The following UNKL variants were observed in gnomAD, a reference collection of about 807,000 sequenced individuals.
UNKL encodes unk like zinc finger.
Under a neutral mutation model 78.0 loss-of-function variants are expected in UNKL, and 60 were observed. That is an observed-to-expected ratio of 0.77 (90% CI 0.63 to 0.95). The LOEUF (loss-of-function observed/expected upper bound fraction) is 0.95. Among genes scored for constraint, UNKL ranks in the 40% least tolerant of loss-of-function variants. The pLI, the probability that UNKL is intolerant of heterozygous loss-of-function variation, is 0.00. For synonymous variants in UNKL, 608 were observed against 474.8 expected (o/e 1.28, Z -3.65); for missense variants, 1,159 against 1,045.7 (o/e 1.11, Z -1.49).
chr16:1,388,122 A>G (rs2036894897), intron 9 of UNKL, among the ~76,000 whole-genome samples: 1 of 152,052 alleles, frequency 6.6e-6, no homozygotes, highest in Non-Finnish European at 1.5e-5. Flanking sequence ...CGGGCCCACC[A>G]AGAAGCCGTG....
At chr16:1,411,837 A>G (rs116876758) in intron 2 of UNKL, 1 of 152,236 alleles carries the variant, frequency 6.6e-6, no homozygotes, top group Non-Finnish European at 1.5e-5. Context: ...AAAACAAAAC[A>G]AACACTATTT....
In UNKL at chr16:1,365,941, T is replaced by TC; in HGVS notation, c.*298dup. 1 of 288,490 alleles carries TC rather than the reference T, an allele frequency of 3.5e-6. No individual in the cohort carries two copies. The highest frequency in any genetic ancestry group is 6.5e-6 in the Non-Finnish European group (1 of 154,044). The allele number at this position is 288,490 out of a possible 1,614,324, so 17.9% of individuals were successfully genotyped here. ...TGCTGTGATCACAGCGCCGCGTGGA[T>TC]CCCGGAGGCACCAGGCCCCTCAGGG... On this transcript the variant is annotated 3_prime_UTR_variant, in exon 15 of 15. Transcript: ENST00000389221.
rs532113159 is a variant in UNKL at position 1,402,220 on chromosome 16, G to A, written c.465-519C>T. Among the ~76,000 whole-genome samples, 131 of 148,726 alleles carry A rather than the reference G, an allele frequency of 8.8e-4. 2 individuals carry two copies. The Admixed American group carries it at 8.9e-3, about 10-fold the overall frequency. On this transcript the variant is annotated intron_variant, in intron 3 of 14. Transcript: ENST00000389221. ...CCAGAAGAGAAACACACAGTGAGAA[G>A]AGCTGAAGGACTGTCTGCCCCAGAC...
At position 1,387,380 on chromosome 16, in the gene UNKL, C is replaced by T. The variant is rs952012755; in HGVS notation, c.1087-1995G>A. ...ACCTGGTGCCATCTCAGTGGCAACC[C>T]GCCCCCTATCCCTTGCACTTCCTGT... On this transcript the variant is annotated intron_variant, in intron 9 of 14. Coordinates refer to ENST00000389221, the MANE Select transcript of UNKL (RefSeq NM_001372107.1). This position sits in a 1 kb window ranked among gnomAD's most constrained non-coding sequence, Gnocchi z 4.1. Among the ~76,000 whole-genome samples, 2 of 152,172 alleles carry T rather than the reference C, an allele frequency of 1.3e-5. No homozygotes were observed. Among genetic ancestry groups the T allele is most frequent in the Non-Finnish European group, 2.9e-5 (2 of 68,010 alleles).
At chr16:1,393,445 G>A (rs2037134151) in intron 7 of UNKL, among the ~76,000 whole-genome samples, 1 of 152,006 alleles carries the variant, frequency 6.6e-6, no homozygotes, top group African/African-American at 2.4e-5. Context: ...CTGCAGCGTG[G>A]AGGAGGCCGC....
chr16:1,400,913 T>G (rs142770403), intron 4 of UNKL, among the ~76,000 whole-genome samples: 3,768 of 152,232 alleles, frequency 0.025, 60 homozygotes, highest in Middle Eastern at 0.048. Context: ...GGCCTCAAAC[T>G]CCTGACCTCA....
chr16:1,367,930 G>T, intron 12 of UNKL, 72 bp from the exon 13 acceptor site: 1 of 1,363,008 alleles, frequency 7.3e-7, no homozygotes, highest in South Asian at 1.4e-5. Flanking sequence ...TGGGTGCTAT[G>T]CCCCAGGCCC....
Position 1,392,987 on chromosome 16 carries a change from A to AG in UNKL, c.938-12dup. 1 of 1,550,354 alleles carries AG rather than the reference A, an allele frequency of 6.5e-7. No homozygotes were observed. The highest frequency in any genetic ancestry group is 8.7e-7 in the Non-Finnish European group (1 of 1,146,878). On this transcript the variant is annotated splice_polypyrimidine_tract_variant and intron_variant, in intron 7 of 14. Transcript: ENST00000389221. ...CCATCCCCAGGCTCTCTGCAAGGAC[A>AG]GGGGAGCAGCAGACTCTGAGGGCCG...
chr16:1,406,686 G>A (rs1218429249), intron 2 of UNKL, among the ~76,000 whole-genome samples: 1 of 152,118 alleles, frequency 6.6e-6, no homozygotes, highest in Non-Finnish European at 1.5e-5. Flanking sequence ...CCGGCCGTGG[G>A]CTTTCCTCTT....
intron 12 of UNKL, 61 bp from the exon 13 acceptor site, chr16:1,367,919 G>A (rs1476793620): frequency 3.4e-6 from 5 of 1,450,826 alleles, no homozygotes; most frequent in Non-Finnish European, 4.7e-6. Flanking sequence ...GGTGGGATTG[G>A]TGGGTGCTAT....
chr16:1,410,511 G>A (rs1436548026), intron 2 of UNKL, among the ~76,000 whole-genome samples: 1 of 152,146 alleles, frequency 6.6e-6, no homozygotes, highest in African/African-American at 2.4e-5. Context: ...GGAGGCTGAG[G>A]CAGGAGAATC....
In UNKL at chr16:1,364,886, A is replaced by G. The variant is rs4984822; in HGVS notation, c.*1354T>C. ...GGGTGGTCACGGGTGCTGGGGAGGC[A>G]ACCACTCTCCCAGTTCACTGCCTGA... On this transcript the variant is annotated 3_prime_UTR_variant, in exon 15 of 15. Coordinates refer to ENST00000389221, the MANE Select transcript of UNKL (RefSeq NM_001372107.1). 0.81 allele frequency: 123,849 copies of G among 152,338 alleles called. 50,818 individuals are homozygous for G. The highest frequency in any genetic ancestry group is 0.99 in the East Asian group (5,144 of 5,178). The allele number at this position is 152,338 out of a possible 1,614,324, so 9.4% of individuals were successfully genotyped here. A position where few individuals can be genotyped will look rare whatever the true frequency, so the allele number is the denominator to read the frequency against.
intron 5 of UNKL, among the ~76,000 whole-genome samples, chr16:1,397,812 G>A (rs371969021): frequency 4.7e-5 from 7 of 149,804 alleles, no homozygotes; most frequent in African/African-American, 1.2e-4. Flanking sequence ...GGGGCAGGGC[G>A]TGGACCTGGG....
chr16:1,401,713 G>A lies in UNKL; in HGVS notation c.465-12C>T. On this transcript the variant is annotated splice_polypyrimidine_tract_variant and intron_variant, in intron 3 of 14. Coordinates refer to ENST00000389221, the MANE Select transcript of UNKL (RefSeq NM_001372107.1). ...GGGCCTGCAGCTCCCTGCAAGCCGA[G>A]GACACAGTGGTCACAGCTCTGCATC... The A allele has an allele frequency of 6.2e-7, 1 of 1,604,108 alleles. No individual in the cohort carries two copies. Among genetic ancestry groups the A allele is most frequent in the Non-Finnish European group, 8.5e-7 (1 of 1,176,612 alleles).
In UNKL at chr16:1,394,184, C is replaced by T. The variant is rs1203038506; in HGVS notation, c.884G>A (p.Arg295His). ...IYKSTKCNDM[R>H]QTGYCPRGPF... ...GCCGCGCGGGCAGTACCCGGTTTGG[C>T]GCATGTCGTTGCATTTTGTAGATTT... is the stretch of plus-strand genomic sequence containing the variant. Residue 295 changes from arginine (R) to histidine (H), a missense_variant, in exon 7 of 15, where the codon CGC becomes CAC. By Grantham distance (29) the Arg-to-His change is conservative. Coordinates refer to ENST00000389221, the MANE Select transcript of UNKL (RefSeq NM_001372107.1). 7.7e-6 allele frequency: 12 copies of T among 1,550,676 alleles called. No individual in the cohort carries two copies. Among genetic ancestry groups the T allele is most frequent in the Middle Eastern group, 1.7e-4 (1 of 5,992 alleles).
Position 1,364,779 on chromosome 16 carries a change from G to A in UNKL, c.*1461C>T, listed in dbSNP as rs1395746478. The A allele has an allele frequency of 1.3e-5, 2 of 152,190 alleles. No individual in the cohort carries two copies. The highest frequency in any genetic ancestry group is 1.9e-4 in the East Asian group (1 of 5,186). 9.4% of individuals were successfully genotyped at this position (152,190 alleles called of 1,614,324 possible). A position where few individuals can be genotyped will look rare whatever the true frequency, so the allele number is the denominator to read the frequency against. ...AGCTCCGATGATAACTGGCAGCGCGGGTCAGGTGACTGCCACATACACCCG... is the reference window on the plus strand; with the variant it reads ...AGCTCCGATGATAACTGGCAGCGCGAGTCAGGTGACTGCCACATACACCCG... On this transcript the variant is annotated 3_prime_UTR_variant, in exon 15 of 15. Coordinates refer to ENST00000389221, the MANE Select transcript of UNKL (RefSeq NM_001372107.1).
chr16:1,380,431 C>A (rs2036558552), intron 10 of UNKL, among the ~76,000 whole-genome samples: 1 of 152,166 alleles, frequency 6.6e-6, no homozygotes. Flanking sequence ...GCCTGGGGCG[C>A]AGGAGTGCCC....
chr16:1,384,818 T>C (rs750534522), intron 10 of UNKL, among the ~76,000 whole-genome samples: 9 of 152,108 alleles, frequency 5.9e-5, no homozygotes, highest in Non-Finnish European at 1.3e-4. Context: ...AGGCTGGTCT[T>C]CAACTTCTGG....
intron 12 of UNKL, chr16:1,368,123 A>T (rs1596640907): frequency 1.9e-6 from 1 of 522,234 alleles, no homozygotes; most frequent in East Asian, 3.4e-5. Flanking sequence ...GTCTAAACAG[A>T]GAGGAATTAA....
Sources: gnomAD v4.1 joint callset for allele counts (sites outside exome capture counted in the v4.1 genomes callset) on GRCh38, gnomAD v4.1.1 for gene constraint, Gnocchi (gnomAD v3.1) non-coding constraint, MANE v1.5 for transcripts, NCBI Gene and HGNC (gene_info 2026-07-23, HGNC 2026-07-21) for gene names.